Variants in RAB27B observed in about 807,000 individuals in gnomAD.
The protein encoded by RAB27B is RAB27B, member RAS oncogene family.
A neutral mutation model predicts 24.6 loss-of-function variants in RAB27B; 15 were observed. That is an observed-to-expected ratio of 0.61 (90% CI 0.41 to 0.94). The LOEUF (loss-of-function observed/expected upper bound fraction) is 0.94. Among genes scored for constraint, RAB27B ranks in the 40% least tolerant of loss-of-function variants. The probability of loss-of-function intolerance (pLI) is 0.00; values close to 1 mark genes in which losing one functional copy is unlikely to be tolerated. For synonymous variants in RAB27B, 105 were observed against 92.5 expected, an observed-to-expected ratio of 1.14 and a Z score of -0.78; for missense variants, 261 against 266.8, an observed-to-expected ratio of 0.98 and a Z score of 0.15.
At chr18:54,810,865 TA>T (rs1441458551) in intron 2 of RAB27B, among the ~76,000 whole-genome samples, 1 of 150,304 alleles carries the variant, frequency 6.7e-6, no homozygotes, top group Non-Finnish European at 1.5e-5. Context: ...AATAAATAAA[TA>T]AATAAATAAA....
At chr18:54,781,187 T>C (rs1908905667) in intron 2 of RAB27B, among the ~76,000 whole-genome samples, 1 of 152,136 alleles carries the variant, frequency 6.6e-6, no homozygotes, top group Admixed American at 6.5e-5. Context: ...CACTCCATGC[T>C]GCTACCTGAT....
chr18:54,880,097 GCCA>G (rs1912863298), intron 3 of RAB27B: 1 of 54,540 alleles, frequency 1.8e-5, no homozygotes, highest in Non-Finnish European at 7.1e-5. Flanking sequence ...ATAATTATAT[GCCA>G]CCTTGTCATG....
rs115497861 is a variant in RAB27B, at chr18:54,821,716, G to A, written c.-19-55851G>A. Among the ~76,000 whole-genome samples, 645 of 152,340 alleles carry A rather than the reference G, an allele frequency of 4.2e-3. 1 individual carries two copies. Among genetic ancestry groups the A allele is most frequent in the African/African-American group, 0.015 (628 of 41,580 alleles). On this transcript the variant is annotated intron_variant, in intron 2 of 4. Transcript: ENST00000586570. ...TTTTAAAAAAGTAATCATATAGCATGTGATTCTTTGCTATCATCAAACCTT... is the reference window on the plus strand; with the variant it reads ...TTTTAAAAAAGTAATCATATAGCATATGATTCTTTGCTATCATCAAACCTT...
intron 1 of RAB27B, among the ~76,000 whole-genome samples, chr18:54,861,665 G>C (rs1912014868): frequency 6.6e-6 from 1 of 152,170 alleles, no homozygotes; most frequent in Non-Finnish European, 1.5e-5. Flanking sequence ...CTTAACCCTG[G>C]CTACATGTTG....
chr18:54,771,273 CAT>C (rs1338390591), intron 2 of RAB27B, among the ~76,000 whole-genome samples: 1 of 152,140 alleles, frequency 6.6e-6, no homozygotes, highest in Non-Finnish European at 1.5e-5. Flanking sequence ...AAAAACTGCA[CAT>C]GTTTAATGTA....
intron 2 of RAB27B, among the ~76,000 whole-genome samples, chr18:54,764,304 G>T (rs763844701): frequency 6.6e-6 from 1 of 152,060 alleles, no homozygotes; most frequent in Non-Finnish European, 1.5e-5. Flanking sequence ...ATATCCATAT[G>T]GGTAAATTTC....
chr18:54,884,291 G>A (rs1438749387), intron 3 of RAB27B, 42 bp from the exon 4 acceptor site: 1 of 1,201,864 alleles, frequency 8.3e-7, no homozygotes, highest in East Asian at 2.3e-5. Context: ...TCAAAGATAT[G>A]TGGACTAACT....
At chr18:54,818,905 ATTGT>A (rs1190571629) in intron 2 of RAB27B, among the ~76,000 whole-genome samples, 1 of 152,000 alleles carries the variant, frequency 6.6e-6, no homozygotes, top group Non-Finnish European at 1.5e-5. Context: ...ATAAAAATAT[ATTGT>A]TTATAATTGA....
At chr18:54,870,743 T>C (rs1363058384) in intron 1 of RAB27B, among the ~76,000 whole-genome samples, 1 of 152,224 alleles carries the variant, frequency 6.6e-6, no homozygotes, top group African/African-American at 2.4e-5. Flanking sequence ...AACAACCTTC[T>C]GTATAGATAT....
At chr18:54,753,791 A>T (rs1249989102) in intron 2 of RAB27B, among the ~76,000 whole-genome samples, 1 of 152,194 alleles carries the variant, frequency 6.6e-6, no homozygotes, top group Non-Finnish European at 1.5e-5. Flanking sequence ...TGCATAATTT[A>T]TGTCACTTAT....
At chr18:54,825,484 C>A (rs957141628), upstream of RAB27B, among the ~76,000 whole-genome samples, 1 of 151,934 alleles carries the variant, frequency 6.6e-6, no homozygotes, top group South Asian at 2.1e-4. Flanking sequence ...AATTTTTTTC[C>A]ATTTTTTGAA....
rs145683514 is a variant in RAB27B at position 54,758,093 on chromosome 18, G to GT, written c.-20+39960dup. Among the ~76,000 whole-genome samples, 4 of 151,888 alleles carry GT rather than the reference G, an allele frequency of 2.6e-5. No homozygotes were observed. The South Asian group carries it at 6.2e-4, about 24-fold the overall frequency. On this transcript the variant is annotated intron_variant, in intron 2 of 4. Transcript: ENST00000586570. ...ATCAATGCTGTGCTTTGTAACCTAG[G>GT]TTTTTTTTAAGCCTGTATTTTCTAG...
Position 54,892,939 on chromosome 18 carries a change from G to A in RAB27B, c.*3526G>A, listed in dbSNP as rs1484516646. 6.6e-6 allele frequency: 1 copy of A among 151,996 alleles called. No individual in the cohort carries two copies. Among genetic ancestry groups the A allele is most frequent in the East Asian group, 1.9e-4 (1 of 5,192 alleles). 9.4% of individuals were successfully genotyped at this position (151,996 alleles called of 1,614,324 possible). On this transcript the variant is annotated 3_prime_UTR_variant, in exon 6 of 6. Coordinates refer to ENST00000262094, the MANE Select transcript of RAB27B (RefSeq NM_004163.4). The stretch of plus-strand genomic sequence containing the variant: ...AGAAAGAGATGCTTGCCATAGAGAA[G>A]GACATGAGTACATTAAAAATAATTT...
Position 54,877,704 on chromosome 18 carries a change from C to T in RAB27B, c.119C>T (p.Thr40Ile), listed in dbSNP as rs867368280. ...TDNKFNPKFI[T>I]TVGIDFREKR... ...AATAAATTCAATCCCAAATTCATCA[C>T]TACAGTAGGAATAGACTTTCGGGAA... The change falls in exon 2 of 6, where the codon ACT (threonine) becomes ATT (isoleucine). Residue 40 changes from threonine (T) to isoleucine (I), a missense_variant. Physicochemically the swap from Thr to Ile is moderately conservative, Grantham distance 89. Transcript: ENST00000262094. The T allele has an allele frequency of 6.3e-6, 10 of 1,592,698 alleles. No homozygotes were observed. In the Middle Eastern group the frequency reaches 1.2e-3, roughly 185 times the overall value.
Position 54,791,214 on chromosome 18 carries a change from AAAG to A in RAB27B, c.-20+73085_-20+73087del, listed in dbSNP as rs752795209. On this transcript the variant is annotated intron_variant, in intron 2 of 4. Coordinates refer to the RAB27B transcript ENST00000586570. ...CTAGAGCATTAAAAAAAGAAAAAAGAAAGAAGAAGAAGAAAGAAAGAGTAAAGA... is the reference window on the plus strand; with the variant it reads ...CTAGAGCATTAAAAAAAGAAAAAAGAAAGAAGAAGAAAGAAAGAGTAAAGA... Among the ~76,000 whole-genome samples the A allele has an allele frequency of 5.6e-4, 86 of 152,228 alleles. 1 individual carries two copies. The highest frequency in any genetic ancestry group is 1.6e-3 in the African/African-American group (65 of 41,520).
chr18:54,765,233 C>A (rs924504640), intron 2 of RAB27B, among the ~76,000 whole-genome samples: 2 of 152,092 alleles, frequency 1.3e-5, no homozygotes, highest in Non-Finnish European at 2.9e-5. Flanking sequence ...TTCAAATGAT[C>A]CTTCTACCTC....
At chr18:54,818,909 T>C (rs1910205880) in intron 2 of RAB27B, among the ~76,000 whole-genome samples, 2 of 152,058 alleles carry the variant, frequency 1.3e-5, no homozygotes, top group Admixed American at 1.3e-4. Context: ...AAATATATTG[T>C]TTATAATTGA....
At chr18:54,794,502 T>C (rs1243918508) in intron 2 of RAB27B, among the ~76,000 whole-genome samples, 1 of 152,246 alleles carries the variant, frequency 6.6e-6, no homozygotes, top group Non-Finnish European at 1.5e-5. Flanking sequence ...TTCTGAGAAA[T>C]GAATTTCAGT....
chr18:54,787,032 A>G (rs2145103137), intron 2 of RAB27B, among the ~76,000 whole-genome samples: 1 of 152,360 alleles, frequency 6.6e-6, no homozygotes, highest in African/African-American at 2.4e-5. Context: ...GCAATTTAAC[A>G]GTTCAAGACA....
Sources: gnomAD v4.1 joint callset for allele counts (sites outside exome capture counted in the v4.1 genomes callset) on GRCh38, gnomAD v4.1.1 for gene constraint, MANE v1.5 for transcripts, NCBI Gene and HGNC (gene_info 2026-07-23, HGNC 2026-07-21) for gene names.